Variants in SEMA6D observed in about 807,000 individuals in gnomAD.
SEMA6D encodes the protein semaphorin-6D.
In SEMA6D, 35 loss-of-function variants were observed where a neutral mutation model predicts 106.6. The observed-to-expected ratio is 0.33, with a 90% CI of 0.25 to 0.44. SEMA6D has a LOEUF of 0.44. Among genes scored for constraint, SEMA6D ranks in the 20% least tolerant of loss-of-function variants. The probability of loss-of-function intolerance (pLI) is 1.00; values close to 1 mark genes in which losing one functional copy is unlikely to be tolerated. For synonymous variants in SEMA6D, 499 were observed against 487.7 expected (o/e 1.02, Z -0.31); for missense variants, 1,185 against 1,345.9 (o/e 0.88, Z 1.87).
At chr15:47,447,044 C>G (rs1351097015) in intron 2 of SEMA6D, among the ~76,000 whole-genome samples, 1 of 152,134 alleles carries the variant, frequency 6.6e-6, no homozygotes, top group Non-Finnish European at 1.5e-5. Context: ...GGAGCCTCAT[C>G]CCTGGGCACA....
At chr15:47,755,612 A>G (rs2081675107) in intron 1 of SEMA6D, among the ~76,000 whole-genome samples, 2 of 151,932 alleles carry the variant, frequency 1.3e-5, no homozygotes, top group African/African-American at 2.4e-5. Flanking sequence ...TTGGATTGGA[A>G]CTTTTGTAAA....
intron 1 of SEMA6D, among the ~76,000 whole-genome samples, chr15:47,205,048 A>T (rs1312490014): frequency 2.6e-5 from 4 of 152,146 alleles, no homozygotes; most frequent in Non-Finnish European, 5.9e-5. Flanking sequence ...ACATAAGAAC[A>T]TCAAAATTAA....
rs540576922 is a variant in SEMA6D at position 47,196,654 on chromosome 15, A to T, written c.-239+12236A>T. 7.4e-4 allele frequency among the ~76,000 whole-genome samples: 113 copies of T among 152,338 alleles called. 1 individual carries two copies. The highest frequency in any genetic ancestry group is 2.6e-3 in the African/African-American group (110 of 41,578). On this transcript the variant is annotated intron_variant, in intron 1 of 19. Coordinates refer to the SEMA6D transcript ENST00000558014. Reference sequence around the variant, plus strand: ...TTAATTGACTGAGTATTTTGAAAGCATGCAGGCAGAGCTATGTAAAATGTC... The same window carrying T: ...TTAATTGACTGAGTATTTTGAAAGCTTGCAGGCAGAGCTATGTAAAATGTC...
chr15:47,201,614 A>G (rs1894731147), intron 1 of SEMA6D, among the ~76,000 whole-genome samples: 2 of 152,082 alleles, frequency 1.3e-5, no homozygotes, highest in Non-Finnish European at 2.9e-5. Flanking sequence ...CCACTAGAGG[A>G]TTCTTTTATG....
At chr15:47,270,666 C>T (rs2142251883) in intron 1 of SEMA6D, among the ~76,000 whole-genome samples, 1 of 152,282 alleles carries the variant, frequency 6.6e-6, no homozygotes, top group South Asian at 2.1e-4. Context: ...TTTAGCAATT[C>T]ATCTATGAAT....
At chr15:47,220,656 T>C (rs950807793) in intron 1 of SEMA6D, among the ~76,000 whole-genome samples, 1 of 152,226 alleles carries the variant, frequency 6.6e-6, no homozygotes, top group African/African-American at 2.4e-5. Flanking sequence ...ATTTTCCTTC[T>C]ACGTGTTTAT....
chr15:47,334,781 A>G (rs1478830368), intron 1 of SEMA6D, among the ~76,000 whole-genome samples: 2 of 152,200 alleles, frequency 1.3e-5, no homozygotes, highest in African/African-American at 4.8e-5. Flanking sequence ...AACTGTAGTT[A>G]CACTCCATTC....
chr15:47,438,017 T>G (rs1475154357), intron 2 of SEMA6D, among the ~76,000 whole-genome samples: 3 of 152,126 alleles, frequency 2.0e-5, no homozygotes, highest in African/African-American at 7.2e-5. Context: ...TGCTACCAGA[T>G]TTGGTTGTGT....
intron 1 of SEMA6D, among the ~76,000 whole-genome samples, chr15:47,209,361 A>C (rs1895329426): frequency 6.6e-6 from 1 of 152,180 alleles, no homozygotes; most frequent in African/African-American, 2.4e-5. Context: ...CCTAACTTTC[A>C]AGAAATATTC....
In SEMA6D at chr15:47,308,086, G is replaced by A. The variant is rs1047786573; in HGVS notation, c.-238-104307G>A. Among the ~76,000 whole-genome samples the A allele has an allele frequency of 6.0e-5, 9 of 149,854 alleles. No homozygotes were observed. The East Asian group carries it at 1.2e-3, about 19-fold the overall frequency. On this transcript the variant is annotated intron_variant, in intron 1 of 19. Transcript: ENST00000558014. ...AGGTAAGTCACTTGACACTAAGTCT[G>A]TACATTTCAGGGTATATTTTATAAA...
chr15:47,240,189 T>C (rs2032818623), intron 1 of SEMA6D, among the ~76,000 whole-genome samples: 1 of 152,090 alleles, frequency 6.6e-6, no homozygotes, highest in Non-Finnish European at 1.5e-5. Context: ...AAAGAAAAAT[T>C]TGTTGGTCAG....
intron 1 of SEMA6D, among the ~76,000 whole-genome samples, chr15:47,398,457 C>G (rs1003900234): frequency 8.5e-5 from 13 of 152,160 alleles, no homozygotes; most frequent in Admixed American, 7.9e-4. Flanking sequence ...GACCGCAGGT[C>G]GTAGGGTCTG....
chr15:47,189,998 ATAGAT>A (rs1893854028), intron 1 of SEMA6D, among the ~76,000 whole-genome samples: 1 of 152,222 alleles, frequency 6.6e-6, no homozygotes, highest in Non-Finnish European at 1.5e-5. Flanking sequence ...AGGATTATTT[ATAGAT>A]TACACTGCAA....
Position 47,747,779 on chromosome 15 carries a change from G to T in SEMA6D, c.-54-11966G>T, listed in dbSNP as rs578215971. Among the ~76,000 whole-genome samples, 21 of 152,212 alleles carry T rather than the reference G, an allele frequency of 1.4e-4. No individual in the cohort carries two copies. The South Asian group carries it at 4.4e-3, about 32-fold the overall frequency. ...GTCTTCATACTGGTTTCTGGTTATGGTATGTTCTATCATTACTTAATTTAT... is the reference window on the plus strand; with the variant it reads ...GTCTTCATACTGGTTTCTGGTTATGTTATGTTCTATCATTACTTAATTTAT... On this transcript the variant is annotated intron_variant, in intron 1 of 18. Coordinates refer to ENST00000536845, the MANE Select transcript of SEMA6D (RefSeq NM_001358351.3).
chr15:47,604,772 C>G (rs1203287336), intron 4 of SEMA6D, among the ~76,000 whole-genome samples: 2 of 152,044 alleles, frequency 1.3e-5, no homozygotes, highest in East Asian at 3.9e-4. Context: ...TCTTGGCTCA[C>G]TGCAAGCTCT....
In SEMA6D at chr15:47,773,884, A is replaced by C. The variant is rs2082734321; in HGVS notation, c.*2099A>C. 1 of 152,594 alleles carries C rather than the reference A, an allele frequency of 6.6e-6. No individual in the cohort carries two copies. Among genetic ancestry groups the C allele is most frequent in the African/African-American group, 2.4e-5 (1 of 41,446 alleles). The allele number at this position is 152,594 out of a possible 1,614,324, so 9.5% of individuals were successfully genotyped here. A position where few individuals can be genotyped will look rare whatever the true frequency, so the allele number is the denominator to read the frequency against. ...TAAAACAGAACAGTAACTCTATGTG[A>C]CCCCAGATAACATTTTGTAACATTG... On this transcript the variant is annotated 3_prime_UTR_variant, in exon 19 of 19. Transcript: ENST00000536845.
intron 1 of SEMA6D, among the ~76,000 whole-genome samples, chr15:47,364,536 C>G (rs488695): frequency 2.0e-5 from 3 of 152,098 alleles, no homozygotes; most frequent in Non-Finnish European, 4.4e-5. Context: ...GTGCGCTGCA[C>G]ATGTGGAATT....
At chr15:47,277,755 C>A (rs2034897742) in intron 1 of SEMA6D, among the ~76,000 whole-genome samples, 1 of 151,760 alleles carries the variant, frequency 6.6e-6, no homozygotes, top group African/African-American at 2.4e-5. Context: ...AATGCTATTC[C>A]TCCCCCCTCC....
intron 3 of SEMA6D, among the ~76,000 whole-genome samples, chr15:47,509,527 A>C (rs1036357215): frequency 6.6e-6 from 1 of 152,200 alleles, no homozygotes; most frequent in Non-Finnish European, 1.5e-5. Context: ...GCTCCCTGCC[A>C]TGACATTGAA....
Sources: allele counts gnomAD v4.1 joint callset (sites outside exome capture counted in the v4.1 genomes callset), GRCh38; gene constraint gnomAD v4.1.1; transcripts MANE v1.5; gene names NCBI Gene and HGNC (gene_info 2026-07-23, HGNC 2026-07-21).